CACNG5: variants seen among roughly 807,000 people sequenced by gnomAD.
CACNG5 encodes voltage-dependent calcium channel gamma-5 subunit.
CACNG5 carries 18 observed loss-of-function variants against 24.8 expected under a neutral mutation model. That is an observed-to-expected ratio of 0.73 (90% CI 0.50 to 1.08). CACNG5 has a LOEUF of 1.08. Among genes scored for constraint, CACNG5 ranks in the 50% least tolerant of loss-of-function variants. CACNG5 has a pLI of 0.00. For synonymous variants in CACNG5, 157 were observed against 149.1 expected (o/e 1.05, Z -0.39); for missense variants, 349 against 367.9 (o/e 0.95, Z 0.42).
intron 1 of CACNG5, among the ~76,000 whole-genome samples, chr17:66,853,601 G>A (rs1769713626): frequency 6.6e-6 from 1 of 152,140 alleles, no homozygotes; most frequent in South Asian, 2.1e-4. Context: ...AAACTAAACA[G>A]ATTAAGAGTA....
intron 1 of CACNG5, among the ~76,000 whole-genome samples, 176 bp from the exon 2 acceptor site, chr17:66,877,054 G>A (rs1191118436): frequency 6.6e-6 from 1 of 152,188 alleles, no homozygotes; most frequent in East Asian, 1.9e-4. Context: ...AGAGGACAAG[G>A]GGGTCCTTGC....
intron 3 of CACNG5, 95 bp from the exon 4 acceptor site, chr17:66,880,462 A>C: frequency 6.7e-7 from 1 of 1,499,890 alleles, no homozygotes; most frequent in Non-Finnish European, 9.2e-7. Flanking sequence ...TTTGAGGACC[A>C]GTTGGTAGAC....
Position 66,886,885 on chromosome 17 carries a change from G to A in CACNG5, c.*1645G>A, listed in dbSNP as rs1443837878. ...GGCCTCTGTCCTTGGCTTGCAGACGGCTACCTTCCCGCTGTGTCCTCATGT... is the reference window on the plus strand; with the variant it reads ...GGCCTCTGTCCTTGGCTTGCAGACGACTACCTTCCCGCTGTGTCCTCATGT... On this transcript the variant is annotated 3_prime_UTR_variant, in exon 6 of 6. Transcript: ENST00000533854. Among the ~76,000 whole-genome samples the A allele has an allele frequency of 2.0e-5, 3 of 152,178 alleles. No individual in the cohort carries two copies. The South Asian group carries it at 6.2e-4, about 32-fold the overall frequency.
chr17:66,848,087 C>T (rs2143038757), intron 1 of CACNG5, among the ~76,000 whole-genome samples: 1 of 152,344 alleles, frequency 6.6e-6, no homozygotes, highest in East Asian at 1.9e-4. Context: ...TCGGGACAAC[C>T]TCGTTGCTCC....
chr17:66,852,640 GT>G (rs1976721071), intron 1 of CACNG5, among the ~76,000 whole-genome samples: 1 of 152,154 alleles, frequency 6.6e-6, no homozygotes, highest in East Asian at 1.9e-4. Flanking sequence ...TGATAAATGT[GT>G]AATCATGATA....
intron 3 of CACNG5, 144 bp downstream of exon 3, chr17:66,879,202 T>C: frequency 1.8e-6 from 1 of 569,492 alleles, no homozygotes; most frequent in South Asian, 2.4e-5. Flanking sequence ...TTAGAGATGA[T>C]CCACTAGAGC....
intron 1 of CACNG5, among the ~76,000 whole-genome samples, chr17:66,862,323 T>C (rs1976872921): frequency 6.6e-6 from 1 of 151,754 alleles, no homozygotes; most frequent in East Asian, 2.0e-4. Context: ...GGGTCTGTGC[T>C]TGGGGGCTAC....
At position 66,879,963 on chromosome 17, in the gene CACNG5, T is replaced by TG. The variant is rs1410442003; in HGVS notation, c.284-594_284-593insG. Reference sequence around the variant, plus strand: ...TAGCCCCCATCCTGAGTCACCTGGTTAGCAAAAACTCAGGTGTGGTTGAGA... The same window carrying TG: ...TAGCCCCCATCCTGAGTCACCTGGTTGAGCAAAAACTCAGGTGTGGTTGAGA... On this transcript the variant is annotated intron_variant, in intron 3 of 5. Transcript: ENST00000533854. Among the ~76,000 whole-genome samples the TG allele has an allele frequency of 2.0e-5, 3 of 152,124 alleles. No individual in the cohort carries two copies. In the South Asian group the frequency reaches 6.2e-4, roughly 32 times the overall value.
chr17:66,884,530 G>A lies in CACNG5; in HGVS notation c.439G>A (p.Val147Met), dbSNP rs756783259. 1 of 1,611,750 alleles carries A rather than the reference G, an allele frequency of 6.2e-7. No homozygotes were observed. The highest frequency in any genetic ancestry group is 8.5e-7 in the Non-Finnish European group (1 of 1,178,540). Reference sequence around the variant, plus strand: ...TGCCCAACCAGGCCTCTCTCTCGTGGTGGGCCTGGTGCTCTACATCTCCAG... The same window carrying A: ...TGCCCAACCAGGCCTCTCTCTCGTGATGGGCCTGGTGCTCTACATCTCCAG... ...FFILSGLSLV[V>M]GLVLYISSIN... is the part of the protein sequence containing the mutation. Residue 147 changes from valine (V) to methionine (M), a missense_variant, in exon 5 of 6, where the codon GTG becomes ATG. Transcript: ENST00000533854.
At chr17:66,846,674 T>C (rs1443635055) in intron 1 of CACNG5, among the ~76,000 whole-genome samples, 1 of 152,244 alleles carries the variant, frequency 6.6e-6, no homozygotes, top group African/African-American at 2.4e-5. Flanking sequence ...ACCACACGAA[T>C]GGAAATTTGG....
intron 1 of CACNG5, among the ~76,000 whole-genome samples, chr17:66,839,689 G>A (rs1344241941): frequency 3.3e-5 from 5 of 151,760 alleles, no homozygotes; most frequent in African/African-American, 9.7e-5. Context: ...GTGAGTCTGG[G>A]GGCTGGGCAG....
At chr17:66,838,810 G>T (rs925816657) in intron 1 of CACNG5, among the ~76,000 whole-genome samples, 6 of 151,942 alleles carry the variant, frequency 3.9e-5, no homozygotes, top group Non-Finnish European at 8.8e-5. Context: ...TCTAAGTAAT[G>T]GGGATACGAC....
intron 1 of CACNG5, among the ~76,000 whole-genome samples, chr17:66,872,641 T>A (rs1484339942): frequency 6.6e-6 from 1 of 152,236 alleles, no homozygotes. Context: ...CACTTTTATC[T>A]TTTCAAGTAA....
In CACNG5 at chr17:66,885,309, C is replaced by G; in HGVS notation, c.*69C>G. ...CCTTCCTGTTCTCTCCAGGTGACCC[C>G]TGAGCCCCAGGCCTGTGGTTGACAG... On this transcript the variant is annotated 3_prime_UTR_variant, in exon 6 of 6. Coordinates refer to ENST00000533854, the MANE Select transcript of CACNG5 (RefSeq NM_145811.3). The G allele has an allele frequency of 6.6e-7, 1 of 1,504,940 alleles. No homozygotes were observed. Among genetic ancestry groups the G allele is most frequent in the Non-Finnish European group, 8.8e-7 (1 of 1,133,664 alleles). The allele number at this position is 1,504,940 out of a possible 1,614,324, so 93.2% of individuals were successfully genotyped here.
intron 3 of CACNG5, among the ~76,000 whole-genome samples, chr17:66,879,854 C>G (rs1977133271): frequency 6.6e-6 from 1 of 152,132 alleles, no homozygotes; most frequent in African/African-American, 2.4e-5. Flanking sequence ...TGAACTCACC[C>G]TCTAGCCCCT....
At chr17:66,848,995 C>T (rs1388839607) in intron 1 of CACNG5, among the ~76,000 whole-genome samples, 11 of 152,146 alleles carry the variant, frequency 7.2e-5, no homozygotes, top group East Asian at 3.9e-4. Context: ...AATAGGCTGC[C>T]GCCGTGTGCA....
chr17:66,850,621 C>A (rs1490945691), intron 1 of CACNG5, among the ~76,000 whole-genome samples: 2 of 151,594 alleles, frequency 1.3e-5, no homozygotes, highest in Non-Finnish European at 2.9e-5. Flanking sequence ...CACACACACA[C>A]AATGCAGTTG....
intron 1 of CACNG5, among the ~76,000 whole-genome samples, chr17:66,842,430 G>C (rs1163117162): frequency 6.6e-6 from 1 of 152,118 alleles, no homozygotes. Context: ...GAGAGGTTGA[G>C]CCACTGCCCA....
At chr17:66,847,844 C>A (rs1404005117) in intron 1 of CACNG5, among the ~76,000 whole-genome samples, 3 of 152,228 alleles carry the variant, frequency 2.0e-5, no homozygotes, top group Non-Finnish European at 4.4e-5. Context: ...TCACCTTGCT[C>A]TGCAGAAGGA....
Sources: allele counts gnomAD v4.1 joint callset (sites outside exome capture counted in the v4.1 genomes callset), GRCh38; gene constraint gnomAD v4.1.1; transcripts MANE v1.5; gene names NCBI Gene and HGNC (gene_info 2026-07-23, HGNC 2026-07-21).